Variants in SP3 observed in about 807,000 individuals in gnomAD.
The protein encoded by SP3 is Sp3 transcription factor.
In SP3, 10 loss-of-function variants were observed where a neutral mutation model predicts 70.3. That is an observed-to-expected ratio of 0.14 (90% CI 0.09 to 0.24). The LOEUF is 0.24. Among genes scored for constraint, SP3 ranks in the 10% least tolerant of loss-of-function variants. The probability of loss-of-function intolerance (pLI) is 1.00; values close to 1 mark genes in which losing one functional copy is unlikely to be tolerated. For missense variants in SP3, 825 were observed against 914.6 expected (o/e 0.90, Z 1.26); for synonymous variants, 402 against 333.5 (o/e 1.21, Z -2.24).
chr2:173,945,915 C>G (rs1003661171), intron 4 of SP3, among the ~76,000 whole-genome samples: 5 of 152,092 alleles, frequency 3.3e-5, no homozygotes. Context: ...CATTTGAGGT[C>G]AGGAGTTCAA....
At position 173,901,676 on chromosome 2, in the gene SP3, C is replaced by G. The variant is rs1689192363; in HGVS notation, c.*8265G>C. Among the ~76,000 whole-genome samples, 1 of 141,746 alleles carries G rather than the reference C, an allele frequency of 7.1e-6. No homozygotes were observed. Among genetic ancestry groups the G allele is most frequent in the Non-Finnish European group, 1.5e-5 (1 of 65,316 alleles). The allele number at this position is 141,746 out of a possible 152,430, so 93.0% of individuals were successfully genotyped here. On this transcript the variant is annotated 3_prime_UTR_variant, in exon 7 of 7. Transcript: ENST00000310015. ...TTGGATAAAATGAACAGCAGGGAAA[C>G]AGTTAGTTGGACTTAAGCCTTTTTT...
At position 173,909,935 on chromosome 2, in the gene SP3, T is replaced by TA. The variant is rs765365105; in HGVS notation, c.*5dup. 6.2e-7 allele frequency: 1 copy of TA among 1,604,710 alleles called. No individual in the cohort carries two copies. The highest frequency in any genetic ancestry group is 1.3e-5 in the African/African-American group (1 of 74,738). On this transcript the variant is annotated 3_prime_UTR_variant, in exon 7 of 7. Transcript: ENST00000310015. ...TAACCACAATGAATAAGTATTTGTGTAATATTTACTCCATTGTCTCATTTC... is the reference window on the plus strand; with the variant it reads ...TAACCACAATGAATAAGTATTTGTGTAAATATTTACTCCATTGTCTCATTTC...
At position 173,907,472 on chromosome 2, in the gene SP3, T is replaced by C. The variant is rs1222175263; in HGVS notation, c.*2469A>G. ...CTTTGGTAAAAGTTCCAAAGTTCAC[T>C]AATATATTCCTAGGGGGCACTAAAA... On this transcript the variant is annotated 3_prime_UTR_variant, in exon 7 of 7. Coordinates refer to ENST00000310015, the MANE Select transcript of SP3 (RefSeq NM_003111.5). 6.6e-6 allele frequency: 1 copy of C among 152,130 alleles called. No homozygotes were observed. 9.4% of individuals were successfully genotyped at this position (152,130 alleles called of 1,614,324 possible).
chr2:173,964,312 G>A (rs1362377942), intron 2 of SP3, 93 bp downstream of exon 2: 3 of 595,560 alleles, frequency 5.0e-6, no homozygotes, highest in Non-Finnish European at 9.0e-6. Context: ...GAGAGACGAG[G>A]AGGGAGGGGT....
Position 173,903,821 on chromosome 2 carries a change from G to C in SP3, c.*6120C>G, listed in dbSNP as rs530455840. On this transcript the variant is annotated 3_prime_UTR_variant, in exon 7 of 7. Coordinates refer to ENST00000310015, the MANE Select transcript of SP3 (RefSeq NM_003111.5). Reference sequence around the variant, plus strand: ...TGGACACATTCTACCAGTCTTTCAAGGCCCACCCTTTCTGATTCATCCAAG... The same window carrying C: ...TGGACACATTCTACCAGTCTTTCAACGCCCACCCTTTCTGATTCATCCAAG... 2.0e-5 allele frequency among the ~76,000 whole-genome samples: 3 copies of C among 152,288 alleles called. No homozygotes were observed. In the East Asian group the frequency reaches 5.8e-4, roughly 29 times the overall value.
At chr2:173,957,154 T>C (rs1209209241) in intron 3 of SP3, among the ~76,000 whole-genome samples, 2 of 152,184 alleles carry the variant, frequency 1.3e-5, no homozygotes, top group Non-Finnish European at 1.5e-5. Flanking sequence ...CATGAAGACA[T>C]AGTTGAGAAA....
At chr2:173,961,949 T>G (rs774142702) in intron 3 of SP3, among the ~76,000 whole-genome samples, 5,648 of 150,828 alleles carry the variant, frequency 0.037, 193 homozygotes, top group Admixed American at 0.1. Context: ...TTTTTTTTTT[T>G]TTTTTTTTTT....
chr2:173,961,964 CAA>C (rs1337437782), intron 3 of SP3, among the ~76,000 whole-genome samples: 1 of 90,402 alleles, frequency 1.1e-5, no homozygotes, highest in Non-Finnish European at 2.4e-5. Flanking sequence ...TTTTTTTAGG[CAA>C]AACTATTTTC....
At chr2:173,954,668 G>A (rs1166135700) in intron 4 of SP3, among the ~76,000 whole-genome samples, 1 of 152,166 alleles carries the variant, frequency 6.6e-6, no homozygotes, top group African/African-American at 2.4e-5. Context: ...ATAGAAACAT[G>A]AATCCCTAAC....
intron 4 of SP3, among the ~76,000 whole-genome samples, chr2:173,931,414 G>A (rs1284942763): frequency 6.6e-6 from 1 of 152,086 alleles, no homozygotes. Flanking sequence ...TGCAATCTCG[G>A]CTCACTGCAA....
intron 4 of SP3, among the ~76,000 whole-genome samples, chr2:173,943,732 C>A (rs1003719774): frequency 5.3e-5 from 8 of 152,188 alleles, no homozygotes; most frequent in African/African-American, 1.7e-4. Flanking sequence ...GGGACTTAGT[C>A]TTTTTCACTG....
chr2:173,912,992 A>C, intron 6 of SP3, 78 bp downstream of exon 6: 1 of 1,066,452 alleles, frequency 9.4e-7, no homozygotes, highest in Non-Finnish European at 1.3e-6. Flanking sequence ...TCAGTAAGGA[A>C]TGCTAATAAA....
At position 173,904,238 on chromosome 2, in the gene SP3, G is replaced by T. The variant is rs769732404; in HGVS notation, c.*5703C>A. ...GACCAGGGACCAGGACCAGTCTGTG[G>T]CCCAGGTGGTTCCTCACAGACCAGG... On this transcript the variant is annotated 3_prime_UTR_variant, in exon 7 of 7. Coordinates refer to ENST00000310015, the MANE Select transcript of SP3 (RefSeq NM_003111.5). 1.3e-5 allele frequency among the ~76,000 whole-genome samples: 2 copies of T among 152,036 alleles called. No individual in the cohort carries two copies. Among genetic ancestry groups the T allele is most frequent in the African/African-American group, 2.4e-5 (1 of 41,408 alleles).
At chr2:173,930,455 C>A (rs1362062601) in intron 4 of SP3, among the ~76,000 whole-genome samples, 1 of 152,164 alleles carries the variant, frequency 6.6e-6, no homozygotes, top group African/African-American at 2.4e-5. Flanking sequence ...TCTAATCCTA[C>A]AAATTCCCAA....
chr2:173,934,408 T>C lies in SP3; in HGVS notation c.1640-15623A>G, dbSNP rs147202578. ...GTGGTTACTGCTGTTGAAACAAGTA[T>C]AGGCTGAAAGAAAATTAAACAGGAG... On this transcript the variant is annotated intron_variant, in intron 4 of 6. Coordinates refer to ENST00000310015, the MANE Select transcript of SP3 (RefSeq NM_003111.5). Among the ~76,000 whole-genome samples the C allele has an allele frequency of 6.5e-3, 990 of 152,244 alleles. 15 individuals are homozygous for C. The highest frequency in any genetic ancestry group is 0.037 in the East Asian group (192 of 5,186).
chr2:173,944,189 A>C (rs1690464035), intron 4 of SP3, among the ~76,000 whole-genome samples: 1 of 152,224 alleles, frequency 6.6e-6, no homozygotes, highest in South Asian at 2.1e-4. Flanking sequence ...TTTTCATCAG[A>C]GAATTTATGA....
At chr2:173,927,615 T>A (rs1441077193) in intron 4 of SP3, among the ~76,000 whole-genome samples, 1 of 152,190 alleles carries the variant, frequency 6.6e-6, no homozygotes, top group Non-Finnish European at 1.5e-5. Context: ...GCAATGGTAA[T>A]GGCATATATC....
rs1689375939 is a variant in SP3 at position 173,907,953 on chromosome 2, A to T, written c.*1988T>A. 6.6e-6 allele frequency: 1 copy of T among 152,114 alleles called. No homozygotes were observed. The highest frequency in any genetic ancestry group is 2.1e-4 in the South Asian group (1 of 4,828). 9.4% of individuals were successfully genotyped at this position (152,114 alleles called of 1,614,324 possible). A position where few individuals can be genotyped will look rare whatever the true frequency, so the allele number is the denominator to read the frequency against. On this transcript the variant is annotated 3_prime_UTR_variant, in exon 7 of 7. Transcript: ENST00000310015. The stretch of plus-strand genomic sequence containing the variant: ...CAATGCAATCAGGTATTACAGACAG[A>T]GTCAGACTGGGCCTGGAAAACAGAA...
intron 4 of SP3, among the ~76,000 whole-genome samples, chr2:173,920,096 C>T (rs1425563586): frequency 1.3e-5 from 2 of 152,014 alleles, no homozygotes; most frequent in Non-Finnish European, 2.9e-5. Flanking sequence ...CCCCCCGCAC[C>T]CCCTATGTAT....
Sources: allele counts gnomAD v4.1 joint callset (sites outside exome capture counted in the v4.1 genomes callset), GRCh38; gene constraint gnomAD v4.1.1; transcripts MANE v1.5; gene names NCBI Gene and HGNC (gene_info 2026-07-23, HGNC 2026-07-21).